Variants in ERC2 observed in about 807,000 individuals in gnomAD.
ERC2 encodes ERC protein 2.
ERC2 carries 42 observed loss-of-function variants against 114.8 expected under a neutral mutation model. The observed-to-expected ratio is 0.37, with a 90% CI of 0.29 to 0.47. ERC2 has a LOEUF of 0.47. Ranked by LOEUF, ERC2 falls within the 20% of genes least tolerant of loss-of-function variation. The pLI is 0.99. For synonymous variants in ERC2, 454 were observed against 425.5 expected, an observed-to-expected ratio of 1.07 and a Z score of -0.82; for missense variants, 939 against 1,150.7, an observed-to-expected ratio of 0.82 and a Z score of 2.66.
intron 11 of ERC2, 122 bp downstream of exon 11, chr3:55,991,935 T>C: frequency 8.2e-6 from 7 of 852,376 alleles, no homozygotes; most frequent in South Asian, 1.7e-5. Context: ...ATATTCCTCA[T>C]TTATGACTTG....
chr3:55,997,427 ATCT>A (rs1351638193), intron 10 of ERC2, among the ~76,000 whole-genome samples: 4 of 151,192 alleles, frequency 2.6e-5, no homozygotes, highest in Admixed American at 6.6e-5. Flanking sequence ...AAGAATTTCA[ATCT>A]TCTCATAATT....
chr3:55,779,371 G>A (rs565573470), intron 14 of ERC2, among the ~76,000 whole-genome samples: 8 of 150,866 alleles, frequency 5.3e-5, no homozygotes, highest in South Asian at 2.1e-4. Context: ...GTGTAGTGGC[G>A]GTGCCTGTAA....
chr3:55,989,528 G>C (rs910403102), intron 11 of ERC2, among the ~76,000 whole-genome samples: 4 of 152,224 alleles, frequency 2.6e-5, no homozygotes, highest in Admixed American at 1.3e-4. Context: ...GCCTGCTCAG[G>C]AAGGCTGTAT....
At chr3:55,533,660 G>A (rs911478918) in intron 17 of ERC2, among the ~76,000 whole-genome samples, 3 of 152,188 alleles carry the variant, frequency 2.0e-5, no homozygotes, top group Non-Finnish European at 2.9e-5. Context: ...AGGCCACTGG[G>A]GCTGGTGTGG....
rs567167946 is a variant in ERC2 at position 55,718,089 on chromosome 3, G to C, written c.2712+16682C>G. Among the ~76,000 whole-genome samples the C allele has an allele frequency of 7.2e-5, 11 of 152,274 alleles. No individual in the cohort carries two copies. The South Asian group carries it at 1.9e-3, about 26-fold the overall frequency. The stretch of plus-strand genomic sequence containing the variant: ...GATCAGGCTTTTTTATGTGACCGCT[G>C]TTCTGACAAAGTACCCAAGCAGTGA... On this transcript the variant is annotated intron_variant, in intron 15 of 17. Coordinates refer to ENST00000288221, the MANE Select transcript of ERC2 (RefSeq NM_015576.3).
At chr3:55,517,421 T>C (rs2052595842) in intron 17 of ERC2, among the ~76,000 whole-genome samples, 3 of 123,416 alleles carry the variant, frequency 2.4e-5, no homozygotes, top group African/African-American at 9.5e-5. Flanking sequence ...CACTCCAGCC[T>C]GGGTGACGGA....
chr3:55,961,165 G>A (rs1188510074), intron 12 of ERC2, among the ~76,000 whole-genome samples: 1 of 152,150 alleles, frequency 6.6e-6, no homozygotes, highest in African/African-American at 2.4e-5. Flanking sequence ...ACTTCTACCA[G>A]ATCTAACTCC....
chr3:55,948,566 T>C (rs1177526003), intron 13 of ERC2, among the ~76,000 whole-genome samples: 2 of 152,242 alleles, frequency 1.3e-5, no homozygotes, highest in Non-Finnish European at 2.9e-5. Context: ...GTGATTACTT[T>C]TTATTGCATT....
chr3:55,749,871 G>A (rs1323271137), intron 14 of ERC2, among the ~76,000 whole-genome samples: 1 of 152,126 alleles, frequency 6.6e-6, no homozygotes, highest in Non-Finnish European at 1.5e-5. Flanking sequence ...TCACTGCGAA[G>A]GTCTACGACT....
chr3:55,829,511 C>A (rs912121917), intron 14 of ERC2, among the ~76,000 whole-genome samples: 8 of 152,056 alleles, frequency 5.3e-5, no homozygotes, highest in African/African-American at 1.4e-4. Flanking sequence ...ACCTGTAGAA[C>A]AATATCAAAA....
intron 14 of ERC2, among the ~76,000 whole-genome samples, chr3:55,782,353 T>C (rs1285626450): frequency 6.6e-6 from 1 of 152,184 alleles, no homozygotes; most frequent in Non-Finnish European, 1.5e-5. Context: ...CCCTGCATCC[T>C]TTTGCATTTC....
chr3:55,699,351 T>C (rs757188520), intron 16 of ERC2, 27 bp downstream of exon 16: 1 of 1,613,180 alleles, frequency 6.2e-7, no homozygotes, highest in Non-Finnish European at 8.5e-7. Flanking sequence ...AAAAGGGGTC[T>C]TGGAGGTAAG....
intron 12 of ERC2, among the ~76,000 whole-genome samples, chr3:55,953,854 T>C (rs1253450350): frequency 1.3e-5 from 2 of 152,012 alleles, no homozygotes; most frequent in African/African-American, 4.8e-5. Context: ...AAGTGACCTA[T>C]CAGTCTCCAC....
At chr3:55,929,981 T>C (rs1185237585) in intron 13 of ERC2, among the ~76,000 whole-genome samples, 1 of 152,210 alleles carries the variant, frequency 6.6e-6, no homozygotes, top group Non-Finnish European at 1.5e-5. Flanking sequence ...GGCTCATGCC[T>C]GTAATCCAGC....
intron 4 of ERC2, among the ~76,000 whole-genome samples, chr3:56,151,425 A>G (rs2081406351): frequency 6.6e-6 from 1 of 152,170 alleles, no homozygotes; most frequent in Non-Finnish European, 1.5e-5. Context: ...CATATCTCAC[A>G]TCATGAGCAC....
At chr3:56,357,440 A>G (rs2058787662) in intron 2 of ERC2, among the ~76,000 whole-genome samples, 1 of 152,196 alleles carries the variant, frequency 6.6e-6, no homozygotes, top group Non-Finnish European at 1.5e-5. Context: ...GTCTGACTTA[A>G]CAACCACAAC....
At chr3:55,645,773 A>G (rs2060369176) in intron 17 of ERC2, among the ~76,000 whole-genome samples, 1 of 152,168 alleles carries the variant, frequency 6.6e-6, no homozygotes, top group African/African-American at 2.4e-5. Context: ...TTTCAATGTT[A>G]TGACAACTTT....
chr3:56,442,501 G>A (rs1160079081), intron 1 of ERC2, among the ~76,000 whole-genome samples: 3 of 152,190 alleles, frequency 2.0e-5, no homozygotes, highest in South Asian at 2.1e-4. Context: ...GATTACAGGC[G>A]TGAACCACCG....
chr3:56,320,950 T>C (rs2057101776), intron 2 of ERC2, among the ~76,000 whole-genome samples: 1 of 152,194 alleles, frequency 6.6e-6, no homozygotes, highest in South Asian at 2.1e-4. Context: ...AGCCCCTCAA[T>C]GACTCCGGCC....
Sources: gnomAD v4.1 joint callset for allele counts (sites outside exome capture counted in the v4.1 genomes callset) on GRCh38, gnomAD v4.1.1 for gene constraint, MANE v1.5 for transcripts, NCBI Gene and HGNC (gene_info 2026-07-23, HGNC 2026-07-21) for gene names.